Variants in ZNF704 observed in about 807,000 individuals in gnomAD.
ZNF704 encodes glucocorticoid induced gene 1.
A neutral mutation model predicts 44.7 loss-of-function variants in ZNF704; 10 were observed. That is an observed-to-expected ratio of 0.22 (90% CI 0.14 to 0.38). The LOEUF is 0.38. Among genes scored for constraint, ZNF704 ranks in the 10% least tolerant of loss-of-function variants. ZNF704 has a pLI of 1.00. For missense variants in ZNF704, 390 were observed against 545.5 expected (o/e 0.71, Z 2.84); for synonymous variants, 211 against 207.6 (o/e 1.02, Z -0.14).
intron 5 of ZNF704, among the ~76,000 whole-genome samples, chr8:80,667,283 T>C (rs982404353): frequency 6.6e-6 from 1 of 152,194 alleles, no homozygotes; most frequent in Non-Finnish European, 1.5e-5. Context: ...TGGAAGCCAC[T>C]GGGGGTTTTC....
intron 2 of ZNF704, among the ~76,000 whole-genome samples, chr8:80,710,362 G>A (rs111280385): frequency 2.4e-3 from 363 of 152,238 alleles, no homozygotes; most frequent in Admixed American, 5.1e-3. Context: ...AAGTCTATGA[G>A]GTCAATATTA....
chr8:80,750,762 AC>A (rs952263354), intron 2 of ZNF704, among the ~76,000 whole-genome samples: 1 of 152,058 alleles, frequency 6.6e-6, no homozygotes, highest in Non-Finnish European at 1.5e-5. Context: ...TGATCCACCC[AC>A]CTCAGCCTCC....
At chr8:80,863,761 T>A (rs897545795) in intron 1 of ZNF704, among the ~76,000 whole-genome samples, 5 of 152,224 alleles carry the variant, frequency 3.3e-5, no homozygotes, top group African/African-American at 1.2e-4. Context: ...ATCCCTTTAC[T>A]TGTAATAGCA....
At position 80,634,102 on chromosome 8, in the gene ZNF704, CA is replaced by C. The variant is rs555137324; in HGVS notation, c.*7263del. On this transcript the variant is annotated 3_prime_UTR_variant, in exon 9 of 9. Transcript: ENST00000327835. ...GGGAGGCTGGCCAAGGGCTTTGGCA[CA>C]AGGAGGCAATGTGTGCTCGCTTCAA... The C allele has an allele frequency of 1.3e-5, 2 of 152,058 alleles. No homozygotes were observed. Among genetic ancestry groups the C allele is most frequent in the Non-Finnish European group, 2.9e-5 (2 of 67,994 alleles). The allele number at this position is 152,058 out of a possible 1,614,324, so 9.4% of individuals were successfully genotyped here.
intron 1 of ZNF704, among the ~76,000 whole-genome samples, chr8:80,825,275 C>A (rs1338630428): frequency 2.0e-5 from 3 of 152,108 alleles, no homozygotes; most frequent in Admixed American, 1.3e-4. Flanking sequence ...GGGTTGCAAT[C>A]CTAGTCTCTG....
intron 2 of ZNF704, among the ~76,000 whole-genome samples, chr8:80,739,263 TATACATC>T (rs373221861): frequency 9.2e-5 from 14 of 152,300 alleles, no homozygotes; most frequent in African/African-American, 2.9e-4. Context: ...AATCTCTTCT[TATACATC>T]AGGTGCTCAG....
At chr8:80,815,521 T>A (rs560910866) in intron 2 of ZNF704, among the ~76,000 whole-genome samples, 4 of 152,248 alleles carry the variant, frequency 2.6e-5, no homozygotes, top group African/African-American at 7.2e-5. Flanking sequence ...GCTTAACTGT[T>A]GAATTATTTT....
intron 2 of ZNF704, among the ~76,000 whole-genome samples, chr8:80,734,622 T>C (rs1213402031): frequency 6.6e-6 from 1 of 152,242 alleles, no homozygotes; most frequent in Non-Finnish European, 1.5e-5. Flanking sequence ...TAAAACCTTA[T>C]TTCCTGTTGA....
Position 80,811,928 on chromosome 8 carries a change from A to G in ZNF704, c.221+9446T>C, listed in dbSNP as rs1808090080. Among the ~76,000 whole-genome samples the G allele has an allele frequency of 3.3e-5, 5 of 152,152 alleles. No homozygotes were observed. In the South Asian group the frequency reaches 1.0e-3, roughly 32 times the overall value. ...AGATTCTCAAAGGCACGTGAACCCT[A>G]TTGTGAACTGCGCATGTGAGGTGTC... On this transcript the variant is annotated intron_variant, in intron 2 of 8. Coordinates refer to ENST00000327835, the MANE Select transcript of ZNF704 (RefSeq NM_001033723.3).
chr8:80,732,421 A>T (rs1482921560), intron 2 of ZNF704, among the ~76,000 whole-genome samples: 1 of 152,180 alleles, frequency 6.6e-6, no homozygotes, highest in Non-Finnish European at 1.5e-5. Flanking sequence ...GCCACTTTTG[A>T]GGCTTGGCTG....
In ZNF704 at chr8:80,687,275, G is replaced by A. The variant is rs147116248; in HGVS notation, c.509C>T (p.Ala170Val). The change falls in exon 4 of 9, where the codon GCG (alanine) becomes GTG (valine). Residue 170 changes from alanine (A) to valine (V), a missense_variant. This residue lies in a region of ZNF704 where 305 missense variants were observed against 435.7 expected (regional missense o/e 0.70). Transcript: ENST00000327835. ...PAQPDDGIDEAEASNLLFDEP... is the reference protein window; with the variant it reads ...PAQPDDGIDEVEASNLLFDEP... ...GTCGAAGAGCAGGTTGCTGGCCTCC[G>A]CCTCGTCGATGCCGTCGTCTGGCTG... 1.2e-4 allele frequency: 199 copies of A among 1,613,172 alleles called. No individual in the cohort carries two copies. The African/African-American group carries it at 1.9e-3, about 15-fold the overall frequency.
At position 80,713,857 on chromosome 8, in the gene ZNF704, C is replaced by T. The variant is rs189898415; in HGVS notation, c.222-20750G>A. 1.4e-3 allele frequency among the ~76,000 whole-genome samples: 211 copies of T among 152,306 alleles called. 1 individual carries two copies. The highest frequency in any genetic ancestry group is 4.9e-3 in the African/African-American group (203 of 41,562). On this transcript the variant is annotated intron_variant, in intron 2 of 8. Transcript: ENST00000327835. ...CCCTCCTTGTATCTGATGCTGACATCGAGTAGAATATCCTCTTCAGCACCC... is the reference window on the plus strand; with the variant it reads ...CCCTCCTTGTATCTGATGCTGACATTGAGTAGAATATCCTCTTCAGCACCC...
At chr8:80,846,421 C>T (rs1359686706) in intron 1 of ZNF704, among the ~76,000 whole-genome samples, 1 of 151,664 alleles carries the variant, frequency 6.6e-6, no homozygotes, top group Admixed American at 6.6e-5. Context: ...CACACACACA[C>T]ACACACACGT....
chr8:80,828,324 T>C (rs1389326151), intron 1 of ZNF704, among the ~76,000 whole-genome samples: 4 of 152,226 alleles, frequency 2.6e-5, no homozygotes, highest in Non-Finnish European at 5.9e-5. Context: ...TGAATCTTGT[T>C]ACTTCAGACT....
intron 1 of ZNF704, among the ~76,000 whole-genome samples, chr8:80,860,970 A>T (rs1809051504): frequency 1.3e-5 from 2 of 152,170 alleles, no homozygotes; most frequent in South Asian, 4.1e-4. Context: ...GGGGGCAGGA[A>T]GTCTTCCACT....
chr8:80,810,221 C>T lies in ZNF704; in HGVS notation c.221+11153G>A, dbSNP rs554777164. The stretch of plus-strand genomic sequence containing the variant: ...CGGTATCACCTGAACAGCTCTCCAT[C>T]ACCTAACAGATAAAAATCAAATTCT... On this transcript the variant is annotated intron_variant, in intron 2 of 8. Coordinates refer to ENST00000327835, the MANE Select transcript of ZNF704 (RefSeq NM_001033723.3). Among the ~76,000 whole-genome samples the T allele has an allele frequency of 7.9e-5, 12 of 152,326 alleles. No individual in the cohort carries two copies. The South Asian group carries it at 2.1e-3, about 26-fold the overall frequency.
At chr8:80,725,698 A>G (rs1483430357) in intron 2 of ZNF704, among the ~76,000 whole-genome samples, 1 of 152,170 alleles carries the variant, frequency 6.6e-6, no homozygotes, top group African/African-American at 2.4e-5. Context: ...TCCTTCATGA[A>G]AAATAGACTG....
At chr8:80,731,590 A>G (rs972737877) in intron 2 of ZNF704, among the ~76,000 whole-genome samples, 2 of 152,208 alleles carry the variant, frequency 1.3e-5, no homozygotes, top group African/African-American at 2.4e-5. Context: ...TAATAGCTGA[A>G]TGTTTTATAG....
chr8:80,772,954 T>C (rs1233421443), intron 2 of ZNF704, among the ~76,000 whole-genome samples: 2 of 152,214 alleles, frequency 1.3e-5, no homozygotes, highest in Non-Finnish European at 2.9e-5. Flanking sequence ...ATTTTCATTT[T>C]CATTTAGTAT....
Sources: gnomAD v4.1 joint callset for allele counts (sites outside exome capture counted in the v4.1 genomes callset) on GRCh38, gnomAD v4.1.1 for gene constraint, gnomAD v4.1.1 regional missense constraint, MANE v1.5 for transcripts, NCBI Gene and HGNC (gene_info 2026-07-23, HGNC 2026-07-21) for gene names.